Variants in CD163L1 observed in about 807,000 individuals in gnomAD.
The protein encoded by CD163L1 is scavenger receptor cysteine-rich type 1 protein M160.
Under a neutral mutation model 165.4 loss-of-function variants are expected in CD163L1, and 124 were observed. The ratio of observed to expected loss-of-function variants is 0.75; its 90% CI spans 0.65 to 0.87. The LOEUF (loss-of-function observed/expected upper bound fraction) is 0.87. CD163L1 is among the 40% of genes least tolerant of loss of function. CD163L1 has a pLI of 0.00. For missense variants in CD163L1, 1,525 were observed against 1,799.9 expected, an observed-to-expected ratio of 0.85 and a Z score of 2.76; for synonymous variants, 585 against 662.2, an observed-to-expected ratio of 0.88 and a Z score of 1.79.
chr12:7,323,631 G>T, the CD163L1 span: 2 of 1,376,760 alleles, frequency 1.5e-6, no homozygotes, highest in Non-Finnish European at 1.0e-6. Context: ...ACCGTGTCTT[G>T]CTATGTAATC....
At chr12:7,437,605 G>A (rs1948755654) in intron 2 of CD163L1, among the ~76,000 whole-genome samples, 1 of 150,546 alleles carries the variant, frequency 6.6e-6, no homozygotes, top group South Asian at 2.1e-4. Flanking sequence ...CTGCCCTTGT[G>A]ATAGTCTGCT....
chr12:7,437,169 A>AG (rs201382266), intron 2 of CD163L1, among the ~76,000 whole-genome samples: 24 of 43,894 alleles, frequency 5.5e-4, no homozygotes, highest in African/African-American at 9.1e-4. Flanking sequence ...ATTTTTATTA[A>AG]TAGTATTACT....
In CD163L1 at chr12:7,406,627, C is replaced by G. The variant is rs933760480; in HGVS notation, c.992G>C (p.Cys331Ser). 1.2e-6 allele frequency: 2 copies of G among 1,614,066 alleles called. No homozygotes were observed. The highest frequency in any genetic ancestry group is 2.7e-5 in the African/African-American group (2 of 75,022). Residue 331 changes from cysteine (C) to serine (S), a missense_variant, in exon 5 of 20, where the codon TGC becomes TCC. Transcript: ENST00000313599. ...SDVVWLDGVS[C>S]SGNESFLWDC... ...CCAAAGAAAAGATTCATTACCGGAG[C>G]AGGAGACACCATCAAGCCATACAAC...
intron 14 of CD163L1, 96 bp downstream of exon 14, chr12:7,373,224 G>T: frequency 9.9e-7 from 1 of 1,012,366 alleles, no homozygotes; most frequent in Non-Finnish European, 1.5e-6. Context: ...TTTTCAGTGA[G>T]TCTGCCATGT....
At position 7,375,508 on chromosome 12, in the gene CD163L1, C is replaced by T. The variant is rs137968192; in HGVS notation, c.2774G>A (p.Cys925Tyr). Residue 925 changes from cysteine (C) to tyrosine (Y), a missense_variant, in exon 11 of 20, where the codon TGT becomes TAT. Physicochemically the swap from Cys to Tyr is radical, Grantham distance 194. Transcript: ENST00000313599. Reference sequence around the variant, plus strand: ...ATCTTCTGGGTCCCAGTGGGTGTCACACAGTGAGCCCCAGTGTCCAAGCAC... The same window carrying T: ...ATCTTCTGGGTCCCAGTGGGTGTCATACAGTGAGCCCCAGTGTCCAAGCAC... ...INVLGHWGSL[C>Y]DTHWDPEDAR... 2 of 1,613,986 alleles carry T rather than the reference C, an allele frequency of 1.2e-6. No homozygotes were observed. The highest frequency in any genetic ancestry group is 2.7e-5 in the African/African-American group (2 of 74,906).
At chr12:7,380,327 A>ATGTG (rs1565784128) in intron 8 of CD163L1, among the ~76,000 whole-genome samples, 2 of 47,132 alleles carry the variant, frequency 4.2e-5, no homozygotes, top group East Asian at 9.0e-4. Context: ...ACATATATGT[A>ATGTG]TGTATACACG....
chr12:7,401,250 G>A (rs963609409), intron 6 of CD163L1, among the ~76,000 whole-genome samples: 10 of 151,864 alleles, frequency 6.6e-5, no homozygotes, highest in African/African-American at 2.4e-4. Flanking sequence ...TAAACTAATA[G>A]AACACTGCCT....
chr12:7,332,063 A>G, the CD163L1 span, among the ~76,000 whole-genome samples: 1 of 152,236 alleles, frequency 6.6e-6, no homozygotes, highest in Non-Finnish European at 1.5e-5. Context: ...GATAACTAGA[A>G]TAACCAATGC....
Position 7,403,655 on chromosome 12 carries a change from C to T in CD163L1, c.1288G>A (p.Asp430Asn), listed in dbSNP as rs1311371765. 3 of 1,613,962 alleles carry T rather than the reference C, an allele frequency of 1.9e-6. No individual in the cohort carries two copies. Among genetic ancestry groups the T allele is most frequent in the Non-Finnish European group, 2.5e-6 (3 of 1,179,976 alleles). ...CAAGATATGCTGTTTATCCAAATGT[C>T]TCTAGCTTCATTACTAGGTTTAGCA... ...RRAKPSNEAR[D>N]IWINSISCTG... The change falls in exon 6 of 20, where the codon GAC (aspartate) becomes AAC (asparagine). Residue 430 changes from aspartate to asparagine, a missense_variant. Physicochemically the swap from Asp to Asn is conservative, Grantham distance 23. Coordinates refer to ENST00000313599, the MANE Select transcript of CD163L1 (RefSeq NM_174941.6).
At chr12:7,375,048 AAATCATTTTTATT>A in intron 11 of CD163L1, 125 bp from the exon 12 acceptor site, 1 of 962,186 alleles carries the variant, frequency 1.0e-6, no homozygotes, top group Non-Finnish European at 1.6e-6. Context: ...TCGTCTATTG[AAATCATTTTTATT>A]AATGATGTCT....
chr12:7,337,289 C>T, the CD163L1 span, among the ~76,000 whole-genome samples: 5 of 152,216 alleles, frequency 3.3e-5, no homozygotes, highest in East Asian at 7.7e-4. Flanking sequence ...ACACCAAAAG[C>T]AATGGCAACA....
intron 2 of CD163L1, among the ~76,000 whole-genome samples, 179 bp from the exon 3 acceptor site, chr12:7,433,873 A>G (rs1044661716): frequency 1.3e-5 from 2 of 152,206 alleles, no homozygotes; most frequent in African/African-American, 4.8e-5. Context: ...ATGATAGGGA[A>G]CTAGAGACCA....
chr12:7,327,206 A>T, the CD163L1 span: 9 of 1,281,860 alleles, frequency 7.0e-6, no homozygotes, highest in Non-Finnish European at 9.4e-6. Context: ...TAGGTAGAAG[A>T]CACTTTTCAA....
intron 2 of CD163L1, among the ~76,000 whole-genome samples, chr12:7,440,564 A>G: frequency 6.6e-6 from 1 of 151,870 alleles, no homozygotes. Flanking sequence ...TCTATTTGCA[A>G]AAATACAATA....
At chr12:7,425,661 G>A (rs897780139) in intron 4 of CD163L1, among the ~76,000 whole-genome samples, 2 of 152,070 alleles carry the variant, frequency 1.3e-5, no homozygotes, top group African/African-American at 2.4e-5. Flanking sequence ...ATCAAAAAGT[G>A]GGCAAAGGAT....
chr12:7,326,398 T>C, the CD163L1 span, among the ~76,000 whole-genome samples: 1 of 152,294 alleles, frequency 6.6e-6, no homozygotes, highest in South Asian at 2.1e-4. Context: ...TTTGTAGAGA[T>C]GGGGTCTCAC....
rs1947208653 is a variant in CD163L1, at chr12:7,374,384, G to A, written c.3409+58C>T. The A allele has an allele frequency of 1.3e-6, 2 of 1,486,474 alleles. No individual in the cohort carries two copies. Among genetic ancestry groups the A allele is most frequent in the African/African-American group, 1.4e-5 (1 of 71,910 alleles). The allele number at this position is 1,486,474 out of a possible 1,614,324, so 92.1% of individuals were successfully genotyped here. The stretch of plus-strand genomic sequence containing the variant: ...TCACTACACTTTACAATTGTGTTGT[G>A]TGTGTGCAAGTGTGTGCACGTGTGT... On this transcript the variant is annotated intron_variant, in intron 13 of 19. Transcript: ENST00000313599. The surrounding 1 kb of genome is among the most constrained non-coding windows in gnomAD (Gnocchi z 5.4).
chr12:7,429,723 T>C (rs376433710), intron 4 of CD163L1, among the ~76,000 whole-genome samples: 1 of 152,120 alleles, frequency 6.6e-6, no homozygotes, highest in Non-Finnish European at 1.5e-5. Flanking sequence ...ACCACTATCA[T>C]GTCTTACCTG....
chr12:7,377,687 C>T (rs1290119787), intron 9 of CD163L1, among the ~76,000 whole-genome samples: 1 of 152,062 alleles, frequency 6.6e-6, no homozygotes, highest in Non-Finnish European at 1.5e-5. Context: ...CTATATTGGC[C>T]TCTTAGGGCT....
Sources: allele counts gnomAD v4.1 joint callset (sites outside exome capture counted in the v4.1 genomes callset), GRCh38; gene constraint gnomAD v4.1.1; non-coding constraint Gnocchi (gnomAD v3.1); transcripts MANE v1.5; gene names NCBI Gene and HGNC (gene_info 2026-07-23, HGNC 2026-07-21).